CEP57L1: variants seen among roughly 807,000 people sequenced by gnomAD.
CEP57L1 encodes the protein centrosomal protein 57 like 1, also known as centrosomal protein CEP57L1.
Under a neutral mutation model 61.0 loss-of-function variants are expected in CEP57L1, and 37 were observed. That is an observed-to-expected ratio of 0.61 (90% CI 0.47 to 0.80). CEP57L1 has a LOEUF of 0.80. CEP57L1 is among the 30% of genes least tolerant of loss of function. CEP57L1 has a pLI of 0.00. For synonymous variants in CEP57L1, 137 were observed against 162.3 expected, an observed-to-expected ratio of 0.84 and a Z score of 1.19; for missense variants, 422 against 524.7, an observed-to-expected ratio of 0.80 and a Z score of 1.91.
chr6:109,126,787 G>A (rs1773597402), intron 1 of CEP57L1, among the ~76,000 whole-genome samples: 1 of 152,146 alleles, frequency 6.6e-6, no homozygotes, highest in South Asian at 2.1e-4. Context: ...GTATTGAGTT[G>A]AATTAACTGT....
chr6:109,099,310 A>C (rs1478249419), intron 1 of CEP57L1, among the ~76,000 whole-genome samples: 5 of 152,214 alleles, frequency 3.3e-5, no homozygotes, highest in Non-Finnish European at 7.4e-5. Flanking sequence ...AGGAGCAGCC[A>C]GTGAGCAGAG....
At position 109,169,083 on chromosome 6, in the gene CEP57L1, G is replaced by A. The variant is rs143617578; in HGVS notation, c.*6113G>A. Among the ~76,000 whole-genome samples, 1,316 of 151,526 alleles carry A rather than the reference G, an allele frequency of 8.7e-3. 51 individuals are homozygous for A. Among genetic ancestry groups the A allele is most frequent in the Admixed American group, 0.07 (1,067 of 15,240 alleles). On this transcript the variant is annotated 3_prime_UTR_variant, in exon 11 of 11. Coordinates refer to ENST00000517392, the MANE Select transcript of CEP57L1 (RefSeq NM_001271852.3). The stretch of plus-strand genomic sequence containing the variant: ...TCTACTAAAAATACAAAAATTAGCC[G>A]GGCATGGTGGTATGTGCCTGTAATC...
chr6:109,153,991 A>C, intron 5 of CEP57L1, 42 bp downstream of exon 5: 1 of 1,008,722 alleles, frequency 9.9e-7, no homozygotes, highest in Non-Finnish European at 1.5e-6. Context: ...ATGAATCTTT[A>C]GTGTTAAGCA....
chr6:109,156,868 C>G (rs999996929), intron 7 of CEP57L1: 2 of 151,968 alleles, frequency 1.3e-5, no homozygotes, highest in Non-Finnish European at 2.9e-5. Flanking sequence ...CAATATTTCC[C>G]CAATATGACT....
chr6:109,160,441 A>G (rs957704328), intron 9 of CEP57L1, 131 bp from the exon 10 acceptor site: 2 of 640,700 alleles, frequency 3.1e-6, no homozygotes, highest in Non-Finnish European at 5.3e-6. Context: ...CCCTAAAGAA[A>G]GAGGCTGTTT....
At chr6:109,110,768 T>C (rs1421305651) in intron 1 of CEP57L1, among the ~76,000 whole-genome samples, 2 of 152,222 alleles carry the variant, frequency 1.3e-5, no homozygotes, top group Non-Finnish European at 2.9e-5. Flanking sequence ...CCCAGCACCA[T>C]TTATTAAATA....
intron 1 of CEP57L1, among the ~76,000 whole-genome samples, chr6:109,101,896 GGC>G (rs945669144): frequency 6.6e-6 from 1 of 152,182 alleles, no homozygotes; most frequent in African/African-American, 2.4e-5. Flanking sequence ...TGGGATTATA[GGC>G]GTGAGCCACC....
At position 109,139,455 on chromosome 6, in the gene CEP57L1, C is replaced by T. The variant is rs113779941; in HGVS notation, c.-3-5764C>T. Among the ~76,000 whole-genome samples the T allele has an allele frequency of 3.3e-3, 503 of 151,930 alleles. 1 individual carries two copies. Among genetic ancestry groups the T allele is most frequent in the African/African-American group, 9.7e-3 (403 of 41,428 alleles). On this transcript the variant is annotated intron_variant, in intron 1 of 10. Coordinates refer to ENST00000517392, the MANE Select transcript of CEP57L1 (RefSeq NM_001271852.3). The stretch of plus-strand genomic sequence containing the variant: ...GCTGGAATTACAGTATGAGCCATCT[C>T]GCCTGGCTGAATTTTTTTTTCTTTT...
At chr6:109,126,001 C>T (rs1010157111) in intron 1 of CEP57L1, among the ~76,000 whole-genome samples, 2 of 151,768 alleles carry the variant, frequency 1.3e-5, no homozygotes, top group African/African-American at 2.4e-5. Flanking sequence ...TAAGTTAGGA[C>T]AGTATTTACT....
intron 1 of CEP57L1, among the ~76,000 whole-genome samples, chr6:109,104,813 C>A (rs1331948159): frequency 6.6e-6 from 1 of 152,090 alleles, no homozygotes; most frequent in African/African-American, 2.4e-5. Context: ...TCTTGAACTC[C>A]TGGGCTCAAG....
chr6:109,169,225 G>GC lies in CEP57L1; in HGVS notation c.*6256dup, dbSNP rs1281474053. Among the ~76,000 whole-genome samples the GC allele has an allele frequency of 1.2e-4, 6 of 50,354 alleles. No individual in the cohort carries two copies. The highest frequency in any genetic ancestry group is 4.9e-4 in the Admixed American group (2 of 4,068). 33.0% of individuals were successfully genotyped at this position (50,354 alleles called of 152,430 possible). On this transcript the variant is annotated 3_prime_UTR_variant, in exon 11 of 11. Transcript: ENST00000517392. ...TGAGCAGCAGAGTGAGGCTCCATCA[G>GC]CAAAAAAAAAAAAAAAAAAAAAGAT... is the stretch of plus-strand genomic sequence containing the variant.
At chr6:109,162,696 A>G (rs1008932215) in intron 10 of CEP57L1, 53 bp from the exon 11 acceptor site, 1 of 1,152,120 alleles carries the variant, frequency 8.7e-7, no homozygotes, top group South Asian at 1.4e-5. Flanking sequence ...CTATTTTGGA[A>G]TATATTTTTA....
At chr6:109,110,638 C>G (rs548486908) in intron 1 of CEP57L1, among the ~76,000 whole-genome samples, 1 of 152,242 alleles carries the variant, frequency 6.6e-6, no homozygotes, top group African/African-American at 2.4e-5. Context: ...AGGTTTTCTT[C>G]TAGGGTTTTT....
intron 1 of CEP57L1, among the ~76,000 whole-genome samples, chr6:109,117,994 A>G (rs1247194600): frequency 6.6e-6 from 1 of 152,268 alleles, no homozygotes; most frequent in Admixed American, 6.5e-5. Flanking sequence ...AGAGGAAAGT[A>G]ATACATATTT....
upstream of CEP57L1, chr6:109,095,219 T>C (rs1388156073): frequency 1.0e-6 from 1 of 985,320 alleles, no homozygotes; most frequent in Non-Finnish European, 1.2e-6. Context: ...TCCCGGACGT[T>C]TGGACTCTGT....
Position 109,166,417 on chromosome 6 carries a change from T to C in CEP57L1, c.*3447T>C, listed in dbSNP as rs949633565. Among the ~76,000 whole-genome samples the C allele has an allele frequency of 4.6e-5, 7 of 150,944 alleles. No individual in the cohort carries two copies. Among genetic ancestry groups the C allele is most frequent in the African/African-American group, 1.5e-4 (6 of 41,020 alleles). Reference sequence around the variant, plus strand: ...TTTTTTGGTGGGCATGGAGTCTCGCTGTGTCACCCAGGCTAGAGTGCAGTG... The same window carrying C: ...TTTTTTGGTGGGCATGGAGTCTCGCCGTGTCACCCAGGCTAGAGTGCAGTG... On this transcript the variant is annotated 3_prime_UTR_variant, in exon 11 of 11. Coordinates refer to ENST00000517392, the MANE Select transcript of CEP57L1 (RefSeq NM_001271852.3).
chr6:109,147,901 TAGG>T (rs1189397757), intron 3 of CEP57L1, among the ~76,000 whole-genome samples: 3 of 152,284 alleles, frequency 2.0e-5, no homozygotes, highest in South Asian at 4.1e-4. Flanking sequence ...TCTGAATTTT[TAGG>T]AGGAGACAAT....
At chr6:109,103,345 G>T (rs1291680987) in intron 1 of CEP57L1, among the ~76,000 whole-genome samples, 1 of 151,972 alleles carries the variant, frequency 6.6e-6, no homozygotes, top group Non-Finnish European at 1.5e-5. Flanking sequence ...TATGTGTGGG[G>T]TATATGTGTA....
At chr6:109,103,641 C>A (rs947135489) in intron 1 of CEP57L1, among the ~76,000 whole-genome samples, 10 of 152,066 alleles carry the variant, frequency 6.6e-5, no homozygotes, top group African/African-American at 2.4e-4. Context: ...TTTTTGGTGT[C>A]TCCAAATTTA....
Sources: allele counts gnomAD v4.1 joint callset (sites outside exome capture counted in the v4.1 genomes callset), GRCh38; gene constraint gnomAD v4.1.1; transcripts MANE v1.5; gene names NCBI Gene and HGNC (gene_info 2026-07-23, HGNC 2026-07-21).